The following PLEKHA6 variants were observed in gnomAD, a reference collection of about 807,000 sequenced individuals.
PLEKHA6 encodes the protein pleckstrin homology domain containing A6, also known as pleckstrin homology domain-containing family A member 6.
In PLEKHA6, 60 loss-of-function variants were observed where a neutral mutation model predicts 116.7. The ratio of observed to expected loss-of-function variants is 0.51; its 90% CI spans 0.42 to 0.64. The LOEUF (loss-of-function observed/expected upper bound fraction) is 0.64, where lower values mean the gene tolerates loss of function less well. Among genes scored for constraint, PLEKHA6 ranks in the 30% least tolerant of loss-of-function variants. The pLI is 0.00. For missense variants in PLEKHA6, 1,338 were observed against 1,422.7 expected (o/e 0.94, Z 0.96); for synonymous variants, 489 against 556.1 (o/e 0.88, Z 1.70).
At chr1:204,253,652 C>T (rs868060636) in intron 9 of PLEKHA6, among the ~76,000 whole-genome samples, 18 of 152,028 alleles carry the variant, frequency 1.2e-4, no homozygotes, top group South Asian at 6.2e-4. Context: ...CAGTGGGACA[C>T]CCATCTCTAC....
At chr1:204,333,320 C>T in intron 1 of PLEKHA6, among the ~76,000 whole-genome samples, 1 of 152,202 alleles carries the variant, frequency 6.6e-6, no homozygotes, top group East Asian at 1.9e-4. Flanking sequence ...CAGGCAATTC[C>T]CACCCCAAAG....
intron 1 of PLEKHA6, among the ~76,000 whole-genome samples, chr1:204,304,797 C>T (rs570626682): frequency 6.6e-6 from 1 of 152,260 alleles, no homozygotes; most frequent in Non-Finnish European, 1.5e-5. Context: ...GGATTCAGAC[C>T]TTCTAGAAAA....
chr1:204,347,077 G>T (rs761404085), intron 1 of PLEKHA6: 14 of 1,411,580 alleles, frequency 9.9e-6, no homozygotes, highest in Non-Finnish European at 1.3e-5. Context: ...GACTCTTCCA[G>T]TTTTGCCGTG....
intron 7 of PLEKHA6, among the ~76,000 whole-genome samples, chr1:204,260,515 T>C (rs1665967149): frequency 6.6e-6 from 1 of 152,250 alleles, no homozygotes; most frequent in Non-Finnish European, 1.5e-5. Context: ...AATGAATGAA[T>C]GAACTCTTGG....
chr1:204,234,839 C>T (rs1661716431), intron 17 of PLEKHA6, among the ~76,000 whole-genome samples: 1 of 151,396 alleles, frequency 6.6e-6, no homozygotes, highest in Non-Finnish European at 1.5e-5. Flanking sequence ...CCTCGAACAT[C>T]AAACTGAAGT....
chr1:204,265,553 C>G (rs955721345), intron 5 of PLEKHA6, among the ~76,000 whole-genome samples: 13 of 152,158 alleles, frequency 8.5e-5, no homozygotes, highest in African/African-American at 3.1e-4. Context: ...AAACTGAACT[C>G]CAAAGCTAGC....
chr1:204,367,194 G>A (rs1161755982), intron 3 of PLEKHA6, among the ~76,000 whole-genome samples: 2 of 152,164 alleles, frequency 1.3e-5, no homozygotes, highest in East Asian at 3.9e-4. Flanking sequence ...ATTAAGTCCA[G>A]GGCAACTTCC....
rs184456814 is a variant in PLEKHA6, at chr1:204,272,015, A to C, written c.102+1611T>G. On this transcript the variant is annotated intron_variant, in intron 3 of 22. Coordinates refer to ENST00000272203, the MANE Select transcript of PLEKHA6 (RefSeq NM_014935.5). ...CTGCACCCATTGACTTATCATTTAC[A>C]TTAGGTATATCTCCTAATGCTATCC... Among the ~76,000 whole-genome samples, 484 of 152,264 alleles carry C rather than the reference A, an allele frequency of 3.2e-3. 2 individuals carry two copies. The highest frequency in any genetic ancestry group is 9.4e-3 in the Admixed American group (144 of 15,294).
In PLEKHA6 at chr1:204,230,733, C is replaced by T; in HGVS notation, c.2410-147G>A. On this transcript the variant is annotated intron_variant, in intron 17 of 22. Coordinates refer to ENST00000272203, the MANE Select transcript of PLEKHA6 (RefSeq NM_014935.5). ...CCCAAAAGATATGTCCAAGTCCCAA[C>T]CCCAGGTATCTGAGAGTGTAACCTT... is the stretch of plus-strand genomic sequence containing the variant. 9.5e-6 allele frequency: 6 copies of T among 634,690 alleles called. No individual in the cohort carries two copies. The South Asian group carries it at 1.3e-4, about 14-fold the overall frequency. The allele number at this position is 634,690 out of a possible 1,614,324, so 39.3% of individuals were successfully genotyped here.
chr1:204,294,976 G>A (rs1433815303), intron 1 of PLEKHA6, among the ~76,000 whole-genome samples: 2 of 152,196 alleles, frequency 1.3e-5, no homozygotes, highest in Non-Finnish European at 2.9e-5. Flanking sequence ...CCTACAGATG[G>A]ATGCTTAATA....
intron 1 of PLEKHA6, among the ~76,000 whole-genome samples, chr1:204,375,011 T>C (rs1673842069): frequency 6.6e-6 from 1 of 152,124 alleles, no homozygotes; most frequent in Admixed American, 6.6e-5. Flanking sequence ...CTTCCTTTTT[T>C]CTTCTTAACA....
intron 17 of PLEKHA6, among the ~76,000 whole-genome samples, chr1:204,236,644 T>C (rs1662093791): frequency 1.3e-5 from 2 of 152,130 alleles, no homozygotes; most frequent in Non-Finnish European, 2.9e-5. Context: ...GCTACTGTAA[T>C]GTACAGCAGA....
chr1:204,322,256 C>T (rs1169636876), intron 1 of PLEKHA6, among the ~76,000 whole-genome samples: 1 of 152,142 alleles, frequency 6.6e-6, no homozygotes, highest in African/African-American at 2.4e-5. Flanking sequence ...CTCATGCTGC[C>T]CAATTTAACA....
intron 1 of PLEKHA6, among the ~76,000 whole-genome samples, chr1:204,327,614 C>G (rs911681008): frequency 6.6e-6 from 1 of 152,228 alleles, no homozygotes; most frequent in Non-Finnish European, 1.5e-5. Flanking sequence ...TGCAGATTTC[C>G]ATCTCTGATC....
At chr1:204,328,614 G>A (rs764727894) in intron 1 of PLEKHA6, among the ~76,000 whole-genome samples, 6 of 151,996 alleles carry the variant, frequency 3.9e-5, no homozygotes, top group Middle Eastern at 3.2e-3. Context: ...TCAAACTCCC[G>A]ACCTCAGGTG....
At chr1:204,309,806 C>CT (rs1389630052) in intron 1 of PLEKHA6, 2 of 543,238 alleles carry the variant, frequency 3.7e-6, no homozygotes, top group African/African-American at 4.1e-5. Flanking sequence ...AGTCAGCAAA[C>CT]TTTTTATGTA....
At chr1:204,270,232 A>T (rs1184827065) in intron 3 of PLEKHA6, among the ~76,000 whole-genome samples, 1 of 151,844 alleles carries the variant, frequency 6.6e-6, no homozygotes, top group Non-Finnish European at 1.5e-5. Context: ...TCCACTCTCC[A>T]AGTGTTGGTG....
chr1:204,225,457 A>G (rs17333241), intron 21 of PLEKHA6, among the ~76,000 whole-genome samples: 12,523 of 152,354 alleles, frequency 0.082, 607 homozygotes, highest in Middle Eastern at 0.14. Flanking sequence ...ACATGCATGC[A>G]GAAATGATCA....
At chr1:204,320,710 C>G (rs941859827) in intron 1 of PLEKHA6, among the ~76,000 whole-genome samples, 1 of 152,226 alleles carries the variant, frequency 6.6e-6, no homozygotes, top group African/African-American at 2.4e-5. Context: ...GCTCCCTCCA[C>G]GTGCTCTGTG....
Sources: allele counts gnomAD v4.1 joint callset (sites outside exome capture counted in the v4.1 genomes callset), GRCh38; gene constraint gnomAD v4.1.1; transcripts MANE v1.5; gene names NCBI Gene and HGNC (gene_info 2026-07-23, HGNC 2026-07-21).